C5: variants seen among roughly 807,000 people sequenced by gnomAD.
C5 encodes the protein C3 and PZP-like alpha-2-macroglobulin domain-containing protein 4.
Under a neutral mutation model 218.8 loss-of-function variants are expected in C5, and 140 were observed. That is an observed-to-expected ratio of 0.64 (90% CI 0.56 to 0.74). The LOEUF (loss-of-function observed/expected upper bound fraction) is 0.74. Ranked by LOEUF, C5 falls within the 30% of genes least tolerant of loss-of-function variation. C5 has a pLI of 0.00. For missense variants in C5, 1,700 were observed against 1,969.6 expected, an observed-to-expected ratio of 0.86 and a Z score of 2.59; for synonymous variants, 614 against 682.3, an observed-to-expected ratio of 0.90 and a Z score of 1.56.
intron 7 of C5, among the ~76,000 whole-genome samples, chr9:121,028,443 C>T (rs994554290): frequency 1.3e-5 from 2 of 152,168 alleles, no homozygotes; most frequent in African/African-American, 4.8e-5. Flanking sequence ...TGGAACCCAC[C>T]TAAATGCCCA....
intron 36 of C5, 49 bp from the exon 37 acceptor site, chr9:120,961,614 A>G (rs373164929): frequency 8.6e-7 from 1 of 1,160,092 alleles, no homozygotes; most frequent in South Asian, 1.2e-5. Context: ...TTGAAGAACA[A>G]CACATTTACT....
At chr9:120,977,173 G>T (rs1427589346) in intron 28 of C5, among the ~76,000 whole-genome samples, 1 of 152,134 alleles carries the variant, frequency 6.6e-6, no homozygotes, top group Non-Finnish European at 1.5e-5. Flanking sequence ...GATGCCACAG[G>T]TGGGTAATTT....
intron 23 of C5, among the ~76,000 whole-genome samples, chr9:120,990,648 G>C (rs1176157313): frequency 6.6e-6 from 1 of 152,200 alleles, no homozygotes; most frequent in Non-Finnish European, 1.5e-5. Flanking sequence ...CATGGAAACA[G>C]AGAGCAGCCC....
intron 4 of C5, among the ~76,000 whole-genome samples, chr9:121,035,532 C>T (rs1346713990): frequency 6.6e-6 from 1 of 152,124 alleles, no homozygotes; most frequent in African/African-American, 2.4e-5. Flanking sequence ...TAACTCAACA[C>T]ATAAACATAG....
upstream of C5, among the ~76,000 whole-genome samples, chr9:121,051,680 G>T (rs1189554954): frequency 6.6e-6 from 1 of 152,040 alleles, no homozygotes; most frequent in Non-Finnish European, 1.5e-5. Context: ...ACACTTTAAT[G>T]CTGAATTCAC....
rs965036171 is a variant in C5, at chr9:120,982,871, C to T, written c.3231-57G>A. ...AGAACGCTGAATCCCTTTTGACTTT[C>T]AATTAATTTATACAACTTTATTCTT... On this transcript the variant is annotated intron_variant, in intron 25 of 40. Transcript: ENST00000223642. 5 of 950,556 alleles carry T rather than the reference C, an allele frequency of 5.3e-6. No homozygotes were observed. The African/African-American group carries it at 8.3e-5, about 16-fold the overall frequency. The allele number at this position is 950,556 out of a possible 1,614,324, so 58.9% of individuals were successfully genotyped here.
At position 120,973,641 on chromosome 9, in the gene C5, CT is replaced by C. The variant is rs201818167; in HGVS notation, c.4017+1137del. On this transcript the variant is annotated intron_variant, in intron 30 of 40. Coordinates refer to ENST00000223642, the MANE Select transcript of C5 (RefSeq NM_001735.3). ...CTATGTCTATGTTTATATCCATATT[CT>C]TTTTTTTCAGTATGGGCCACCAGTT... is the stretch of plus-strand genomic sequence containing the variant. Among the ~76,000 whole-genome samples the C allele has an allele frequency of 3.1e-3, 470 of 152,096 alleles. 16 individuals carry two copies. In the East Asian group the frequency reaches 0.072, roughly 23 times the overall value.
intron 17 of C5, among the ~76,000 whole-genome samples, chr9:121,009,161 C>T (rs2047241257): frequency 6.6e-6 from 1 of 152,212 alleles, no homozygotes; most frequent in African/African-American, 2.4e-5. Context: ...TTATATGGTT[C>T]TCTGCCTTCT....
intron 18 of C5, 30 bp from the exon 19 acceptor site, chr9:121,007,007 C>G: frequency 5.3e-6 from 8 of 1,504,524 alleles, no homozygotes; most frequent in Non-Finnish European, 6.5e-6. Flanking sequence ...TATTCAAATA[C>G]AGTGGAATAT....
In C5 at chr9:120,961,339, A is replaced by C. The variant is rs1744221033; in HGVS notation, c.4588+143T>G. The C allele has an allele frequency of 1.2e-5, 8 of 685,346 alleles. No homozygotes were observed. In the East Asian group the frequency reaches 2.2e-4, roughly 19 times the overall value. 42.5% of individuals were successfully genotyped at this position (685,346 alleles called of 1,614,324 possible). A position where few individuals can be genotyped will look rare whatever the true frequency, so the allele number is the denominator to read the frequency against. On this transcript the variant is annotated intron_variant, in intron 37 of 40. Transcript: ENST00000223642. ...AATGTAGTTTTACAATGCTCAAGGA[A>C]TCATTAGCTTTCAATTAGCTGAGAT...
Position 121,009,497 on chromosome 9 carries a change from G to A in C5, c.2258-999C>T, listed in dbSNP as rs187332317. Among the ~76,000 whole-genome samples the A allele has an allele frequency of 2.0e-3, 301 of 152,370 alleles. 1 individual carries two copies. Among genetic ancestry groups the A allele is most frequent in the African/African-American group, 6.9e-3 (289 of 41,594 alleles). ...TGGAATGAGGGAGAGTTCCAGGAAG[G>A]AGGGGGCTGCAGAGAGAGACTTCTA... On this transcript the variant is annotated intron_variant, in intron 17 of 40. Coordinates refer to ENST00000223642, the MANE Select transcript of C5 (RefSeq NM_001735.3).
intron 20 of C5, among the ~76,000 whole-genome samples, chr9:120,998,271 A>G (rs1448666696): frequency 6.6e-6 from 1 of 152,210 alleles, no homozygotes; most frequent in East Asian, 1.9e-4. Flanking sequence ...GAGTTTAGCA[A>G]TGCAAACAGA....
rs1459689539 is a variant in C5 at position 120,997,555 on chromosome 9, G to A, written c.2782C>T (p.Arg928Ter). The A allele has an allele frequency of 1.8e-5, 29 of 1,610,264 alleles. No individual in the cohort carries two copies. Among genetic ancestry groups the A allele is most frequent in the Admixed American group, 5.0e-5 (3 of 59,950 alleles). Reference sequence around the variant, plus strand: ...AAGCATGTTTTTCTTACCACCACTCGTAATGTTTTTACTAAGATTTCTTTT... The same window carrying A: ...AAGCATGTTTTTCTTACCACCACTCATAATGTTTTTACTAAGATTTCTTTT... The part of the protein sequence containing the change: ...FGKEILVKTL[R>*]VVPEGVKRES... The change falls in exon 21 of 41, where the codon CGA (arginine) becomes TGA (stop). Residue 928 changes from arginine (R) to a stop codon, truncating the protein, a stop_gained. Transcript: ENST00000223642. LOFTEE classifies it high-confidence loss of function.
chr9:120,994,142 T>C (rs1043921814), intron 22 of C5, among the ~76,000 whole-genome samples: 5 of 152,230 alleles, frequency 3.3e-5, no homozygotes, highest in African/African-American at 1.2e-4. Context: ...TTTTAATTAC[T>C]ATATACTGTT....
chr9:120,991,263 T>C lies in C5; in HGVS notation c.2869A>G (p.Lys957Glu). Residue 957 changes from lysine to glutamate, a missense_variant, in exon 23 of 41, where the codon AAG (lysine) becomes GAG (glutamate). By Grantham distance (56) the Lys-to-Glu change is moderately conservative (BLOSUM62 1). Coordinates refer to ENST00000223642, the MANE Select transcript of C5 (RefSeq NM_001735.3). Reference protein sequence around the residue: ...RGIYGTISRRKEFPYRIPLDL... With the variant: ...RGIYGTISRREEFPYRIPLDL... ...AAGGGTATCCTGTATGGGAACTCCT[T>C]TCGTCTGCTAATGGTACCTGTAATT... The C allele has an allele frequency of 6.2e-7, 1 of 1,607,520 alleles. No individual in the cohort carries two copies. Among genetic ancestry groups the C allele is most frequent in the Non-Finnish European group, 8.5e-7 (1 of 1,173,978 alleles).
rs1295308735 is a variant in C5 at position 121,017,466 on chromosome 9, C to G, written c.1762G>C (p.Val588Leu). 1 of 1,613,776 alleles carries G rather than the reference C, an allele frequency of 6.2e-7. No individual in the cohort carries two copies. Among genetic ancestry groups the G allele is most frequent in the Non-Finnish European group, 8.5e-7 (1 of 1,179,902 alleles). ...DADAYSPGQT[V>L]SLNMATGMDS... ...ATTCCAGTTGCCATATTAAGAGACACAGTTTGGCCTGGAGAATATGCATCT... is the reference window on the plus strand; with the variant it reads ...ATTCCAGTTGCCATATTAAGAGACAGAGTTTGGCCTGGAGAATATGCATCT... Residue 588 changes from valine to leucine, a missense_variant, in exon 14 of 41, where the codon GTG (valine) becomes CTG (leucine). Val to Leu is a conservative substitution (Grantham distance 32). Transcript: ENST00000223642.
At chr9:121,042,275 G>A (rs1256639092) in intron 3 of C5, among the ~76,000 whole-genome samples, 1 of 152,112 alleles carries the variant, frequency 6.6e-6, no homozygotes, top group Non-Finnish European at 1.5e-5. Context: ...TGGTTCATTG[G>A]GAATAGGTCC....
intron 12 of C5, among the ~76,000 whole-genome samples, chr9:121,018,658 AGAAG>A (rs1434312947): frequency 2.7e-5 from 3 of 111,226 alleles, no homozygotes; most frequent in East Asian, 3.2e-4. Flanking sequence ...AAAGAAAGAA[AGAAG>A]GAAGGAAGGA....
chr9:121,027,999 A>C (rs2047439649), intron 7 of C5, among the ~76,000 whole-genome samples: 1 of 152,222 alleles, frequency 6.6e-6, no homozygotes, highest in African/African-American at 2.4e-5. Context: ...ATTTACAAGA[A>C]AAAAACAAAC....
Sources: allele counts gnomAD v4.1 joint callset (sites outside exome capture counted in the v4.1 genomes callset), GRCh38; gene constraint gnomAD v4.1.1; transcripts MANE v1.5; gene names NCBI Gene and HGNC (gene_info 2026-07-23, HGNC 2026-07-21).